Variants in NEBL observed in about 807,000 individuals in gnomAD.
NEBL encodes nebulette.
A neutral mutation model predicts 140.2 loss-of-function variants in NEBL; 122 were observed. The ratio of observed to expected loss-of-function variants is 0.87; its 90% confidence interval spans 0.75 to 1.01. The LOEUF is 1.01. NEBL is among the 50% of genes least tolerant of loss of function. NEBL has a pLI of 0.00. For missense variants in NEBL, 1,365 were observed against 1,231.3 expected (o/e 1.11, Z -1.62); for synonymous variants, 436 against 398.9 (o/e 1.09, Z -1.11).
At chr10:21,140,377 T>A (rs1839575460) in intron 2 of NEBL, among the ~76,000 whole-genome samples, 1 of 152,194 alleles carries the variant, frequency 6.6e-6, no homozygotes, top group Non-Finnish European at 1.5e-5. Flanking sequence ...TTCAAATACT[T>A]AGGAAAGTGT....
At chr10:21,200,046 C>A (rs534345574) in intron 3 of NEBL, among the ~76,000 whole-genome samples, 2 of 152,186 alleles carry the variant, frequency 1.3e-5, no homozygotes, top group South Asian at 2.1e-4. Flanking sequence ...TGGGATGGGC[C>A]ATCCTAGCTC....
intron 26 of NEBL, among the ~76,000 whole-genome samples, chr10:20,789,896 T>C (rs982075528): frequency 1.3e-5 from 2 of 150,348 alleles, no homozygotes; most frequent in East Asian, 2.0e-4. Flanking sequence ...CATATATATA[T>C]GTATAGATAT....
At chr10:21,213,216 G>C (rs1223018154) in intron 3 of NEBL, among the ~76,000 whole-genome samples, 1 of 152,202 alleles carries the variant, frequency 6.6e-6, no homozygotes, top group Admixed American at 6.5e-5. Context: ...AGATAAGCTT[G>C]ACAGGCAAAT....
intron 9 of NEBL, among the ~76,000 whole-genome samples, chr10:20,857,775 C>G (rs16921165): frequency 6.6e-6 from 1 of 152,032 alleles, no homozygotes; most frequent in Admixed American, 6.6e-5. Context: ...AGACTAAAAG[C>G]GATGTGTCAA....
upstream of NEBL, among the ~76,000 whole-genome samples, chr10:20,900,506 C>T (rs1015743227): frequency 1.3e-5 from 2 of 152,010 alleles, no homozygotes; most frequent in South Asian, 2.1e-4. Flanking sequence ...GGTCAAACCC[C>T]GTCTCTAGTA....
intron 3 of NEBL, among the ~76,000 whole-genome samples, chr10:21,244,103 A>G (rs372603493): frequency 1.3e-5 from 2 of 152,126 alleles, no homozygotes; most frequent in South Asian, 2.1e-4. Context: ...GCAATTCTTC[A>G]TCTCACCCCT....
At chr10:20,875,512 G>A (rs1224087457) in intron 5 of NEBL, among the ~76,000 whole-genome samples, 1 of 152,198 alleles carries the variant, frequency 6.6e-6, no homozygotes, top group African/African-American at 2.4e-5. Context: ...GCAGACACAT[G>A]TGCAGCTGGA....
chr10:21,231,122 T>C (rs1215797530), intron 3 of NEBL, among the ~76,000 whole-genome samples: 1 of 152,262 alleles, frequency 6.6e-6, no homozygotes, highest in East Asian at 1.9e-4. Flanking sequence ...TCGTTCTTGC[T>C]GTGTCCTCGC....
At chr10:21,258,459 C>A (rs2132278442) in intron 1 of NEBL, among the ~76,000 whole-genome samples, 1 of 152,246 alleles carries the variant, frequency 6.6e-6, no homozygotes, top group South Asian at 2.1e-4. Flanking sequence ...AATCCCAGCA[C>A]TTTGGGAGGC....
chr10:20,844,538 G>A (rs1466337119), intron 12 of NEBL, among the ~76,000 whole-genome samples: 1 of 150,352 alleles, frequency 6.7e-6, no homozygotes, highest in Non-Finnish European at 1.5e-5. Context: ...TTTTAAAGGT[G>A]GACTATAGAC....
chr10:20,921,794 C>T (rs78964235), intron 4 of NEBL, among the ~76,000 whole-genome samples: 2 of 151,740 alleles, frequency 1.3e-5, no homozygotes, highest in Admixed American at 6.6e-5. Flanking sequence ...CACACACACA[C>T]ATATGTATAC....
At chr10:20,806,055 T>A (rs1837590934) in intron 26 of NEBL, among the ~76,000 whole-genome samples, 1 of 152,180 alleles carries the variant, frequency 6.6e-6, no homozygotes, top group Non-Finnish European at 1.5e-5. Context: ...CTTCTTCCAA[T>A]GAGACATTTT....
At chr10:21,227,841 TTTC>T (rs995987440) in intron 3 of NEBL, among the ~76,000 whole-genome samples, 10 of 149,564 alleles carry the variant, frequency 6.7e-5, no homozygotes, top group South Asian at 2.1e-4. Context: ...CTTCTTCTTC[TTTC>T]TTCTTCTTTC....
At chr10:21,290,479 C>CA (rs1045995374) in intron 1 of NEBL, among the ~76,000 whole-genome samples, 5 of 151,622 alleles carry the variant, frequency 3.3e-5, no homozygotes, top group African/African-American at 1.2e-4. Context: ...AAACTTCTTC[C>CA]AAAAAAAATA....
rs76857674 is a variant in NEBL, at chr10:21,090,985, C to T, written c.165-70784G>A. ...ATTTTTTCCCAGCGTCCCACCACCA[C>T]CCACCCAGCCACCCCAACTAGAACC... On this transcript the variant is annotated intron_variant, in intron 2 of 6. Transcript: ENST00000417816. Among the ~76,000 whole-genome samples, 778 of 152,026 alleles carry T rather than the reference C, an allele frequency of 5.1e-3. 10 individuals are homozygous for T. Among genetic ancestry groups the T allele is most frequent in the African/African-American group, 0.018 (740 of 41,474 alleles).
chr10:21,173,067 A>C lies in NEBL; in HGVS notation c.70-590T>G, dbSNP rs1330040578. On this transcript the variant is annotated intron_variant, in intron 1 of 6. Transcript: ENST00000417816. The surrounding 1 kb of genome is among the most constrained non-coding windows in gnomAD (Gnocchi z 5.7). ...CCCCAGAACGCCCCTGGCTGGTTTCAACTGTCAGTCACTCCGGATCGCTCC... is the reference window on the plus strand; with the variant it reads ...CCCCAGAACGCCCCTGGCTGGTTTCCACTGTCAGTCACTCCGGATCGCTCC... Among the ~76,000 whole-genome samples, 3 of 152,126 alleles carry C rather than the reference A, an allele frequency of 2.0e-5. No individual in the cohort carries two copies. Among genetic ancestry groups the C allele is most frequent in the African/African-American group, 7.2e-5 (3 of 41,432 alleles).
upstream of NEBL, among the ~76,000 whole-genome samples, chr10:20,901,866 C>A (rs993654858): frequency 1.3e-5 from 2 of 152,156 alleles, no homozygotes; most frequent in African/African-American, 4.8e-5. Context: ...CAGAACTTTA[C>A]TGATGGACGA....
chr10:21,016,496 G>A (rs998086026), intron 3 of NEBL, among the ~76,000 whole-genome samples: 1 of 152,154 alleles, frequency 6.6e-6, no homozygotes, highest in African/African-American at 2.4e-5. Flanking sequence ...ATAACAGTGG[G>A]TAACTATAAA....
chr10:20,902,267 A>G (rs990702941), upstream of NEBL, among the ~76,000 whole-genome samples: 5 of 151,996 alleles, frequency 3.3e-5, no homozygotes, highest in Non-Finnish European at 1.5e-5. Context: ...TTAGCTGGGC[A>G]TGGTGGCGGG....
Sources: allele counts gnomAD v4.1 joint callset (sites outside exome capture counted in the v4.1 genomes callset), GRCh38; gene constraint gnomAD v4.1.1; non-coding constraint Gnocchi (gnomAD v3.1); transcripts MANE v1.5; gene names NCBI Gene and HGNC (gene_info 2026-07-23, HGNC 2026-07-21).